DCDC1: variants seen among roughly 807,000 people sequenced by gnomAD.
DCDC1 encodes doublecortin domain containing 1.
A neutral mutation model predicts 178.3 loss-of-function variants in DCDC1; 200 were observed. That is an observed-to-expected ratio of 1.12 (90% CI 1.00 to 1.26). The LOEUF (loss-of-function observed/expected upper bound fraction) is 1.26. DCDC1 is among the 50% of genes most tolerant of loss of function. DCDC1 has a pLI of 0.00. For missense variants in DCDC1, 1,983 were observed against 1,749.2 expected, an observed-to-expected ratio of 1.13 and a Z score of -2.38; for synonymous variants, 690 against 604.8, an observed-to-expected ratio of 1.14 and a Z score of -2.07.
At chr11:30,939,480 C>T (rs1947495663) in intron 21 of DCDC1, among the ~76,000 whole-genome samples, 2 of 152,220 alleles carry the variant, frequency 1.3e-5, no homozygotes, top group South Asian at 4.1e-4. Flanking sequence ...TGAGCAGGCA[C>T]ATCCAGGGCA....
intron 9 of DCDC1, among the ~76,000 whole-genome samples, chr11:31,220,495 A>C (rs1291957578): frequency 6.6e-6 from 1 of 152,208 alleles, no homozygotes; most frequent in Admixed American, 6.5e-5. Flanking sequence ...CAGTATTGCT[A>C]AAATAACCTC....
chr11:31,249,429 A>G (rs1943810555), intron 8 of DCDC1, among the ~76,000 whole-genome samples: 1 of 152,194 alleles, frequency 6.6e-6, no homozygotes, highest in African/African-American at 2.4e-5. Context: ...CTGTAGATCA[A>G]TAGTAAAAAT....
At chr11:30,910,066 T>C (rs923754902) in intron 28 of DCDC1, among the ~76,000 whole-genome samples, 1 of 152,198 alleles carries the variant, frequency 6.6e-6, no homozygotes, top group Non-Finnish European at 1.5e-5. Flanking sequence ...CCAAAGACTA[T>C]ATTTTCAAGG....
intron 36 of DCDC1, among the ~76,000 whole-genome samples, chr11:30,889,105 TAGAGAGCTGCTGCAGGAATG>T (rs1479826765): frequency 1.3e-5 from 2 of 152,174 alleles, no homozygotes; most frequent in African/African-American, 4.8e-5. Context: ...TCTGTAGAAT[TAGAGAGCTGCTGCAGGAATG>T]GGAGAAGACA....
intron 9 of DCDC1, among the ~76,000 whole-genome samples, chr11:31,239,726 AACAG>A (rs1364657780): frequency 2.0e-5 from 3 of 151,914 alleles, no homozygotes; most frequent in East Asian, 1.9e-4. Context: ...AGACTGCCCA[AACAG>A]ACAATCACAG....
chr11:31,038,425 T>C, intron 20 of DCDC1, among the ~76,000 whole-genome samples: 1 of 152,170 alleles, frequency 6.6e-6, no homozygotes, highest in Non-Finnish European at 1.5e-5. Flanking sequence ...AACTTCAACT[T>C]TTTGTGCATA....
rs747776681 is a variant in DCDC1, at chr11:31,265,516, T to C, written c.1045A>G (p.Ile349Val). 3 of 1,422,280 alleles carry C rather than the reference T, an allele frequency of 2.1e-6. No homozygotes were observed. The East Asian group carries it at 8.1e-5, about 38-fold the overall frequency. The allele number at this position is 1,422,280 out of a possible 1,614,324, so 88.1% of individuals were successfully genotyped here. A position where few individuals can be genotyped will look rare whatever the true frequency, so the allele number is the denominator to read the frequency against. The change falls in exon 8 of 39, where the codon ATT becomes GTT. Residue 349 changes from isoleucine (I) to valine (V), a missense_variant. Ile to Val is a conservative substitution (Grantham distance 29, BLOSUM62 3). Coordinates refer to ENST00000684477, the MANE Select transcript of DCDC1 (RefSeq NM_001387274.1). The part of the protein sequence containing the change: ...YDLYGRKIED[I>V]SKVPLLEKCL... ...AATCTTTGCCACTTACCTTTTGAAATATCTTCAATTTTTCTGCCATACAAA... is the reference window on the plus strand; with the variant it reads ...AATCTTTGCCACTTACCTTTTGAAACATCTTCAATTTTTCTGCCATACAAA...
intron 20 of DCDC1, among the ~76,000 whole-genome samples, chr11:30,996,122 C>T (rs1391889680): frequency 1.3e-5 from 2 of 151,934 alleles, no homozygotes; most frequent in South Asian, 2.1e-4. Context: ...GACCCATCAC[C>T]GAAAGAAGAT....
chr11:31,325,524 G>A (rs1338037000), intron 3 of DCDC1, among the ~76,000 whole-genome samples: 2 of 152,048 alleles, frequency 1.3e-5, no homozygotes, highest in African/African-American at 4.8e-5. Flanking sequence ...CTGGTACAGA[G>A]GTTTTCACTG....
chr11:30,915,477 T>G (rs1002084722), intron 27 of DCDC1, 34 bp downstream of exon 27: 1 of 1,611,214 alleles, frequency 6.2e-7, no homozygotes, highest in Non-Finnish European at 8.5e-7. Flanking sequence ...CTATTCACCT[T>G]TTGATATAGT....
intron 20 of DCDC1, among the ~76,000 whole-genome samples, chr11:31,003,048 C>T (rs1363861951): frequency 6.6e-6 from 1 of 151,200 alleles, no homozygotes; most frequent in African/African-American, 2.4e-5. Context: ...TGAGTTTAGT[C>T]CTTTTTTCAC....
chr11:31,286,722 A>C (rs1272720349), intron 7 of DCDC1, among the ~76,000 whole-genome samples: 1 of 152,066 alleles, frequency 6.6e-6, no homozygotes, highest in Non-Finnish European at 1.5e-5. Context: ...TACCTCTAAA[A>C]GTTGGGCTGA....
At chr11:31,281,980 T>G (rs1277667393) in intron 7 of DCDC1, among the ~76,000 whole-genome samples, 3 of 152,172 alleles carry the variant, frequency 2.0e-5, no homozygotes, top group Admixed American at 1.3e-4. Context: ...CATGATGTAT[T>G]GTTGGATTTG....
chr11:30,906,700 C>T lies in DCDC1; in HGVS notation c.3944G>A (p.Gly1315Glu), dbSNP rs572968052. ...CAAGCAGAGCATAGTTTTTCTCTTT[C>T]CATCAGGTGAGAGATAACAGTATCC... ...QPGYCYLSPD[G>E]KRKTMLCLAC... Residue 1315 changes from glycine to glutamate, a missense_variant, in exon 30 of 39, where the codon GGA (glycine) becomes GAA (glutamate). Coordinates refer to ENST00000684477, the MANE Select transcript of DCDC1 (RefSeq NM_001387274.1). 9.0e-5 allele frequency: 145 copies of T among 1,613,260 alleles called. 2 individuals are homozygous for T. Among genetic ancestry groups the T allele is most frequent in the Admixed American group, 4.5e-4 (27 of 59,948 alleles).
At chr11:31,292,671 A>G (rs186654588) in intron 6 of DCDC1, among the ~76,000 whole-genome samples, 3 of 152,210 alleles carry the variant, frequency 2.0e-5, no homozygotes, top group Admixed American at 6.6e-5. Context: ...TGATGGAAAT[A>G]TTTTGGAACT....
intron 9 of DCDC1, among the ~76,000 whole-genome samples, chr11:31,236,068 T>G (rs1976419508): frequency 6.6e-6 from 1 of 152,068 alleles, no homozygotes. Context: ...AAACACAGAT[T>G]TGAAAATTTT....
In DCDC1 at chr11:31,287,907, T is replaced by G. The variant is rs559592869; in HGVS notation, c.960+2740A>C. On this transcript the variant is annotated intron_variant, in intron 7 of 38. Coordinates refer to ENST00000684477, the MANE Select transcript of DCDC1 (RefSeq NM_001387274.1). Reference sequence around the variant, plus strand: ...TTCAAAAGGGAGCAAGAGGACAGCGTTTTTTTTTTTTTTATTGTTACATTC... The same window carrying G: ...TTCAAAAGGGAGCAAGAGGACAGCGGTTTTTTTTTTTTTATTGTTACATTC... Among the ~76,000 whole-genome samples, 4 of 130,502 alleles carry G rather than the reference T, an allele frequency of 3.1e-5. No homozygotes were observed. In the East Asian group the frequency reaches 9.2e-4, roughly 30 times the overall value. 85.6% of individuals were successfully genotyped at this position (130,502 alleles called of 152,430 possible). A position where few individuals can be genotyped will look rare whatever the true frequency, so the allele number is the denominator to read the frequency against.
intron 3 of DCDC1, among the ~76,000 whole-genome samples, chr11:31,309,142 TTGTGTGTGTGTG>T (rs56349731): frequency 1.4e-5 from 2 of 147,958 alleles, no homozygotes; most frequent in Non-Finnish European, 3.0e-5. Flanking sequence ...AAATAGATGT[TTGTGTGTGTGTG>T]TGTGTGTGTG....
chr11:31,259,194 T>C (rs765562591), intron 8 of DCDC1, among the ~76,000 whole-genome samples: 3 of 151,660 alleles, frequency 2.0e-5, no homozygotes, highest in Non-Finnish European at 4.4e-5. Context: ...CTACTAAAAA[T>C]ACAAAAAAAT....
Sources: gnomAD v4.1 joint callset for allele counts (sites outside exome capture counted in the v4.1 genomes callset) on GRCh38, gnomAD v4.1.1 for gene constraint, MANE v1.5 for transcripts, NCBI Gene and HGNC (gene_info 2026-07-23, HGNC 2026-07-21) for gene names.